Variants in SLC6A11 observed in about 807,000 individuals in gnomAD.
SLC6A11 encodes the protein sodium- and chloride-dependent GABA transporter 3.
Under a neutral mutation model 74.8 loss-of-function variants are expected in SLC6A11, and 25 were observed. The observed-to-expected ratio is 0.33, with a 90% confidence interval of 0.24 to 0.47. The LOEUF is 0.47. SLC6A11 is among the 20% of genes least tolerant of loss of function. The pLI is 1.00. For missense variants in SLC6A11, 574 were observed against 837.0 expected (o/e 0.69, Z 3.88); for synonymous variants, 330 against 330.2 (o/e 1.00, Z 0.01).
rs1320483916 is a variant in SLC6A11 at position 10,915,328 on chromosome 3, C to T, written c.996-3001C>T. 6.6e-6 allele frequency among the ~76,000 whole-genome samples: 1 copy of T among 152,198 alleles called. No individual in the cohort carries two copies. Among genetic ancestry groups the T allele is most frequent in the African/African-American group, 2.4e-5 (1 of 41,458 alleles). On this transcript the variant is annotated intron_variant, in intron 7 of 13. Transcript: ENST00000254488. This position sits in a 1 kb window ranked among gnomAD's most constrained non-coding sequence, Gnocchi z 4.3. ...CCCTTCTGCTTCCCCCTCCAGCAGG[C>T]AGGTTTTATTCCATCTCTCCCATCA...
At chr3:10,829,819 C>CT (rs1694271361) in intron 4 of SLC6A11, among the ~76,000 whole-genome samples, 1 of 152,162 alleles carries the variant, frequency 6.6e-6, no homozygotes. Context: ...CTCTGCAAGT[C>CT]TATGTGGATT....
At chr3:10,901,801 C>T (rs868653510) in intron 6 of SLC6A11, among the ~76,000 whole-genome samples, 4 of 152,302 alleles carry the variant, frequency 2.6e-5, no homozygotes, top group South Asian at 2.1e-4. Context: ...GGAGCAAGGG[C>T]GCCTAGCAAC....
intron 5 of SLC6A11, among the ~76,000 whole-genome samples, chr3:10,862,664 C>T (rs1471082147): frequency 6.6e-6 from 1 of 152,186 alleles, no homozygotes; most frequent in Non-Finnish European, 1.5e-5. Flanking sequence ...CATTCTAGAT[C>T]AGGACTCTGG....
At position 10,925,994 on chromosome 3, in the gene SLC6A11, C is replaced by G. The variant is rs754795156; in HGVS notation, c.1121-10C>G. 6.5e-7 allele frequency: 1 copy of G among 1,549,874 alleles called. No individual in the cohort carries two copies. On this transcript the variant is annotated splice_polypyrimidine_tract_variant and intron_variant, in intron 8 of 13. Coordinates refer to ENST00000254488, the MANE Select transcript of SLC6A11 (RefSeq NM_014229.3). Reference sequence around the variant, plus strand: ...CCACCCAGTGGCTTTCTCTCTCTCCCTCGCTCCAGGCCCCGGCCTGGCCTT... The same window carrying G: ...CCACCCAGTGGCTTTCTCTCTCTCCGTCGCTCCAGGCCCCGGCCTGGCCTT...
chr3:10,926,294 C>T lies in SLC6A11; in HGVS notation c.1233+178C>T, dbSNP rs1279172207. On this transcript the variant is annotated intron_variant, in intron 9 of 13. Transcript: ENST00000254488. The surrounding 1 kb of genome is among the most constrained non-coding windows in gnomAD (Gnocchi z 5.7). ...TTCCCTCCCAGCAACTCTTGCACCC[C>T]CGCCATCCACCAGGTGGGCTCTACA... is the stretch of plus-strand genomic sequence containing the variant. 2.6e-5 allele frequency among the ~76,000 whole-genome samples: 4 copies of T among 152,124 alleles called. No individual in the cohort carries two copies. In the East Asian group the frequency reaches 5.8e-4, roughly 22 times the overall value.
At chr3:10,901,302 C>T (rs1218371292) in intron 6 of SLC6A11, among the ~76,000 whole-genome samples, 5 of 152,234 alleles carry the variant, frequency 3.3e-5, no homozygotes, top group Admixed American at 2.0e-4. Flanking sequence ...CTCTCCATGC[C>T]TGGACATGGC....
chr3:10,853,173 CAGTGG>C (rs1694597806), intron 5 of SLC6A11, among the ~76,000 whole-genome samples: 1 of 152,168 alleles, frequency 6.6e-6, no homozygotes, highest in Non-Finnish European at 1.5e-5. Context: ...GGGTGGGCTG[CAGTGG>C]AGAAAGGTAC....
intron 4 of SLC6A11, among the ~76,000 whole-genome samples, chr3:10,841,412 G>A (rs1341177394): frequency 2.0e-5 from 3 of 152,168 alleles, no homozygotes; most frequent in Non-Finnish European, 2.9e-5. Context: ...CAACCCCACT[G>A]CCCTGCAGGC....
At chr3:10,884,648 G>C (rs913884360) in intron 6 of SLC6A11, among the ~76,000 whole-genome samples, 18 of 152,262 alleles carry the variant, frequency 1.2e-4, no homozygotes, top group African/African-American at 4.1e-4. Flanking sequence ...GCCCAGTCCT[G>C]GGCTGGCATT....
chr3:10,911,053 A>T (rs1176700387), intron 6 of SLC6A11, among the ~76,000 whole-genome samples: 1 of 151,894 alleles, frequency 6.6e-6, no homozygotes, highest in African/African-American at 2.4e-5. Context: ...CCCCCTCCTG[A>T]CCTCAGGTGA....
At chr3:10,885,417 TAA>T (rs1695030799) in intron 6 of SLC6A11, among the ~76,000 whole-genome samples, 1 of 152,088 alleles carries the variant, frequency 6.6e-6, no homozygotes, top group African/African-American at 2.4e-5. Context: ...AGGATGAGTG[TAA>T]AGTCGTTCTG....
rs150612414 is a variant in SLC6A11, at chr3:10,885,382, T to C, written c.891+10287T>C. ...AGCTCTGCCTCCCCTATAAATCTCA[T>C]CAGGGCTTGGCTTTAGACTTAATTA... is the stretch of plus-strand genomic sequence containing the variant. On this transcript the variant is annotated intron_variant, in intron 6 of 13. Transcript: ENST00000254488. 2.1e-4 allele frequency among the ~76,000 whole-genome samples: 32 copies of C among 152,202 alleles called. No homozygotes were observed. In the East Asian group the frequency reaches 5.8e-3, roughly 28 times the overall value.
intron 4 of SLC6A11, among the ~76,000 whole-genome samples, chr3:10,831,296 C>A (rs999751008): frequency 6.6e-6 from 1 of 152,098 alleles, no homozygotes; most frequent in Non-Finnish European, 1.5e-5. Flanking sequence ...GTTTATTTTG[C>A]GATATGACCT....
intron 6 of SLC6A11, among the ~76,000 whole-genome samples, chr3:10,907,785 G>A (rs960787113): frequency 6.6e-6 from 1 of 152,216 alleles, no homozygotes; most frequent in Non-Finnish European, 1.5e-5. Flanking sequence ...TGCCTTTCGA[G>A]TATGAAAGTC....
chr3:10,843,399 TC>T (rs1461413065), intron 4 of SLC6A11, among the ~76,000 whole-genome samples: 1 of 152,170 alleles, frequency 6.6e-6, no homozygotes, highest in Non-Finnish European at 1.5e-5. Context: ...AGCTTGCTGT[TC>T]CCAAAGCACA....
At chr3:10,844,817 C>G (rs561754844) in intron 5 of SLC6A11, among the ~76,000 whole-genome samples, 1 of 152,176 alleles carries the variant, frequency 6.6e-6, no homozygotes, top group Non-Finnish European at 1.5e-5. Context: ...CATCTTGCAG[C>G]CTTGCTGTGC....
intron 5 of SLC6A11, among the ~76,000 whole-genome samples, chr3:10,874,550 C>T (rs1270596829): frequency 6.6e-6 from 1 of 152,278 alleles, no homozygotes; most frequent in South Asian, 2.1e-4. Flanking sequence ...GATCTGCCCT[C>T]TTAACATATT....
chr3:10,929,032 T>G (rs1340286648), intron 9 of SLC6A11, among the ~76,000 whole-genome samples, 170 bp from the exon 10 acceptor site: 2 of 152,138 alleles, frequency 1.3e-5, no homozygotes, highest in African/African-American at 4.8e-5. Flanking sequence ...TGGGCATGAC[T>G]GGAGCTCCGC....
chr3:10,852,010 T>C (rs1045649936), intron 5 of SLC6A11, among the ~76,000 whole-genome samples: 2 of 152,190 alleles, frequency 1.3e-5, no homozygotes, highest in Non-Finnish European at 2.9e-5. Flanking sequence ...ATAAAGTGTT[T>C]AATGGCTCAA....
Sources: allele counts gnomAD v4.1 joint callset (sites outside exome capture counted in the v4.1 genomes callset), GRCh38; gene constraint gnomAD v4.1.1; non-coding constraint Gnocchi (gnomAD v3.1); transcripts MANE v1.5; gene names NCBI Gene and HGNC (gene_info 2026-07-23, HGNC 2026-07-21).